Variants in MGMT observed in about 807,000 individuals in gnomAD.
The protein encoded by MGMT is O-6-methylguanine-DNA methyltransferase, also known as methylated-DNA--protein-cysteine methyltransferase.
MGMT carries 14 observed loss-of-function variants against 15.9 expected under a neutral mutation model. That is an observed-to-expected ratio of 0.88 (90% CI 0.58 to 1.37). The LOEUF (loss-of-function observed/expected upper bound fraction) is 1.37. MGMT is among the 40% of genes most tolerant of loss of function. The pLI, the probability that MGMT is intolerant of heterozygous loss-of-function variation, is 0.00. For missense variants in MGMT, 282 were observed against 268.1 expected, an observed-to-expected ratio of 1.05 and a Z score of -0.36; for synonymous variants, 130 against 118.2, an observed-to-expected ratio of 1.10 and a Z score of -0.65.
intron 2 of MGMT, among the ~76,000 whole-genome samples, chr10:129,555,685 A>G (rs896939690): frequency 6.6e-6 from 1 of 152,194 alleles, no homozygotes; most frequent in African/African-American, 2.4e-5. Context: ...ACTGCACTGC[A>G]GCCTGGGCAA....
chr10:129,709,336 G>A (rs1000785372), intron 3 of MGMT, among the ~76,000 whole-genome samples: 1 of 152,216 alleles, frequency 6.6e-6, no homozygotes, highest in Non-Finnish European at 1.5e-5. Flanking sequence ...CCAATTAGAC[G>A]GTGTGGGGGA....
At chr10:129,671,754 C>A (rs189917234) in intron 2 of MGMT, among the ~76,000 whole-genome samples, 1 of 152,180 alleles carries the variant, frequency 6.6e-6, no homozygotes, top group Non-Finnish European at 1.5e-5. Context: ...ACAAAGAAAT[C>A]GCTCACGTCA....
chr10:129,682,936 T>C (rs1847868840), intron 2 of MGMT, among the ~76,000 whole-genome samples: 1 of 152,132 alleles, frequency 6.6e-6, no homozygotes, highest in African/African-American at 2.4e-5. Context: ...GCAAACTTCA[T>C]CTCCCGGGTT....
intron 2 of MGMT, among the ~76,000 whole-genome samples, chr10:129,675,709 C>T (rs1291248244): frequency 6.6e-6 from 1 of 152,196 alleles, no homozygotes; most frequent in African/African-American, 2.4e-5. Flanking sequence ...GAGAGCCACA[C>T]ACCCACTGCT....
At chr10:129,658,746 A>T (rs902874679) in intron 2 of MGMT, among the ~76,000 whole-genome samples, 3 of 152,216 alleles carry the variant, frequency 2.0e-5, no homozygotes, top group Non-Finnish European at 4.4e-5. Context: ...ATAATGTATT[A>T]ACCTGATTGG....
At chr10:129,594,815 A>G (rs1041054114) in intron 2 of MGMT, among the ~76,000 whole-genome samples, 48 of 152,192 alleles carry the variant, frequency 3.2e-4, no homozygotes, top group African/African-American at 1.1e-3. Context: ...CTCAGTTGAC[A>G]AGGATTCAAA....
intron 3 of MGMT, among the ~76,000 whole-genome samples, chr10:129,745,691 C>T (rs1013636491): frequency 3.9e-5 from 6 of 152,058 alleles, no homozygotes; most frequent in Non-Finnish European, 8.8e-5. Context: ...TTTTCATTTG[C>T]GTTTCCCCGA....
chr10:129,665,860 C>G (rs1297192576), intron 2 of MGMT, among the ~76,000 whole-genome samples: 1 of 152,110 alleles, frequency 6.6e-6, no homozygotes, highest in African/African-American at 2.4e-5. Flanking sequence ...TGCCTGTACT[C>G]CAGGGAAAGT....
chr10:129,755,688 T>C (rs1848797979), intron 3 of MGMT, among the ~76,000 whole-genome samples: 1 of 152,238 alleles, frequency 6.6e-6, no homozygotes, highest in African/African-American at 2.4e-5. Context: ...TCAGTGCTTG[T>C]CGGAGCCCTG....
In MGMT at chr10:129,654,802, C is replaced by T. The variant is rs145591539; in HGVS notation, c.126-53093C>T. 7.0e-3 allele frequency among the ~76,000 whole-genome samples: 1,065 copies of T among 152,178 alleles called. 10 individuals are homozygous for T. The highest frequency in any genetic ancestry group is 0.024 in the African/African-American group (1,008 of 41,508). ...CTACCTTAGGCCCCTTGTCATGACA[C>T]GTGATACCTGAGGGTGGGGGGCTGT... On this transcript the variant is annotated intron_variant, in intron 2 of 4. Transcript: ENST00000651593.
chr10:129,582,191 C>T (rs55801110), intron 2 of MGMT, among the ~76,000 whole-genome samples: 5,003 of 152,330 alleles, frequency 0.033, 133 homozygotes, highest in South Asian at 0.07. Context: ...AGCCCGGCTA[C>T]GTCTCATGAA....
chr10:129,517,671 C>A (rs186441439), intron 1 of MGMT, among the ~76,000 whole-genome samples: 5 of 152,140 alleles, frequency 3.3e-5, no homozygotes, highest in Non-Finnish European at 7.4e-5. Flanking sequence ...CGAGAGCGCT[C>A]GCCTCTGTCC....
intron 2 of MGMT, among the ~76,000 whole-genome samples, chr10:129,681,905 A>G (rs1363429511): frequency 6.6e-6 from 1 of 152,196 alleles, no homozygotes; most frequent in Non-Finnish European, 1.5e-5. Context: ...GAAAATAAAC[A>G]TTCCAGCTAG....
rs75611828 is a variant in MGMT, at chr10:129,753,137, A to G, written c.275-6065A>G. ...GTCAGGTTTTTTTCTTTCTTTCAGC[A>G]CTTCAAAAGTGCTGTTTTACTTCCT... is the stretch of plus-strand genomic sequence containing the variant. On this transcript the variant is annotated intron_variant, in intron 3 of 4. Coordinates refer to ENST00000651593, the MANE Select transcript of MGMT (RefSeq NM_002412.5). 2.9e-3 allele frequency among the ~76,000 whole-genome samples: 446 copies of G among 152,248 alleles called. 4 individuals carry two copies. The highest frequency in any genetic ancestry group is 9.9e-3 in the African/African-American group (412 of 41,562).
In MGMT at chr10:129,526,330, G is replaced by C. The variant is rs112839622; in HGVS notation, c.-12-9911G>C. Reference sequence around the variant, plus strand: ...AATGCCCCTTATTCCCTGTTCAGAAGGGAGATTGCAAAGCTAGTTTTCATC... The same window carrying C: ...AATGCCCCTTATTCCCTGTTCAGAACGGAGATTGCAAAGCTAGTTTTCATC... On this transcript the variant is annotated intron_variant, in intron 1 of 4. Transcript: ENST00000651593. 7.2e-3 allele frequency among the ~76,000 whole-genome samples: 1,096 copies of C among 152,284 alleles called. 11 individuals are homozygous for C. Among genetic ancestry groups the C allele is most frequent in the Non-Finnish European group, 0.012 (790 of 68,020 alleles).
At chr10:129,569,863 T>C (rs1401996188) in intron 2 of MGMT, among the ~76,000 whole-genome samples, 1 of 152,160 alleles carries the variant, frequency 6.6e-6, no homozygotes, top group African/African-American at 2.4e-5. Context: ...CTGCAGGTTG[T>C]GAATTACTTT....
At position 129,470,493 on chromosome 10, in the gene MGMT, C is replaced by T. The variant is rs181972956; in HGVS notation, c.-13+3197C>T. Among the ~76,000 whole-genome samples, 4 of 152,244 alleles carry T rather than the reference C, an allele frequency of 2.6e-5. No individual in the cohort carries two copies. In the East Asian group the frequency reaches 5.8e-4, roughly 22 times the overall value. On this transcript the variant is annotated intron_variant, in intron 1 of 4. Coordinates refer to ENST00000651593, the MANE Select transcript of MGMT (RefSeq NM_002412.5). The stretch of plus-strand genomic sequence containing the variant: ...ATGAATGACTGACTTCTTCATAGAG[C>T]TATTGAAGTGATTTATGAAGAGGAA...
chr10:129,553,896 A>T (rs1461314263), intron 2 of MGMT, among the ~76,000 whole-genome samples: 1 of 152,188 alleles, frequency 6.6e-6, no homozygotes, highest in African/African-American at 2.4e-5. Flanking sequence ...TATGTGTGAG[A>T]AGCGTAGGCC....
At chr10:129,620,219 T>C (rs1477817475) in intron 2 of MGMT, among the ~76,000 whole-genome samples, 1 of 152,222 alleles carries the variant, frequency 6.6e-6, no homozygotes, top group Non-Finnish European at 1.5e-5. Context: ...ATAGGGATTG[T>C]TTTTTAATAT....
Sources: gnomAD v4.1 joint callset for allele counts (sites outside exome capture counted in the v4.1 genomes callset) on GRCh38, gnomAD v4.1.1 for gene constraint, MANE v1.5 for transcripts, NCBI Gene and HGNC (gene_info 2026-07-23, HGNC 2026-07-21) for gene names.